PHF21B: variants seen among roughly 807,000 people sequenced by gnomAD.
The protein encoded by PHF21B is PHD finger protein 4.
PHF21B carries 22 observed loss-of-function variants against 62.2 expected under a neutral mutation model. The ratio of observed to expected loss-of-function variants is 0.35; its 90% confidence interval spans 0.25 to 0.51. The LOEUF (loss-of-function observed/expected upper bound fraction) is 0.51, where lower values mean the gene tolerates loss of function less well. Ranked by LOEUF, PHF21B falls within the 20% of genes least tolerant of loss-of-function variation. PHF21B has a pLI of 0.97. For missense variants in PHF21B, 701 were observed against 707.9 expected, an observed-to-expected ratio of 0.99 and a Z score of 0.11; for synonymous variants, 341 against 314.7, an observed-to-expected ratio of 1.08 and a Z score of -0.88.
intron 2 of PHF21B, among the ~76,000 whole-genome samples, chr22:44,952,716 TAA>T (rs1431478395): frequency 5.3e-5 from 8 of 152,204 alleles, no homozygotes; most frequent in African/African-American, 1.7e-4. Context: ...GAGAAGAGTA[TAA>T]GAGTCTGATT....
At chr22:44,905,067 T>C (rs183430035) in intron 5 of PHF21B, among the ~76,000 whole-genome samples, 3 of 152,350 alleles carry the variant, frequency 2.0e-5, no homozygotes, top group Non-Finnish European at 4.4e-5. Flanking sequence ...AGATGGAGTC[T>C]ACTTTTGACT....
At chr22:44,937,728 G>C (rs369609571) in intron 2 of PHF21B, among the ~76,000 whole-genome samples, 4 of 152,222 alleles carry the variant, frequency 2.6e-5, no homozygotes, top group Non-Finnish European at 5.9e-5. Flanking sequence ...GGACCCCCAC[G>C]CCACGGGATG....
intron 2 of PHF21B, chr22:45,001,925 G>C (rs947837562): frequency 6.6e-6 from 1 of 152,220 alleles, no homozygotes; most frequent in Non-Finnish European, 1.5e-5. Flanking sequence ...AGTGAGACCC[G>C]CGCTTTACGA....
chr22:45,005,362 A>T (rs6007408), intron 2 of PHF21B, among the ~76,000 whole-genome samples: 24 of 148,326 alleles, frequency 1.6e-4, no homozygotes, highest in African/African-American at 4.6e-4. Context: ...CCTATGCCTC[A>T]TTTTTTTTTT....
intron 2 of PHF21B, among the ~76,000 whole-genome samples, chr22:44,970,364 A>C (rs981644421): frequency 1.3e-5 from 2 of 152,230 alleles, no homozygotes; most frequent in African/African-American, 4.8e-5. Flanking sequence ...CACTGGGCAG[A>C]TGCTGGTCAA....
chr22:44,976,088 C>A (rs1418032135), intron 2 of PHF21B, among the ~76,000 whole-genome samples: 1 of 152,140 alleles, frequency 6.6e-6, no homozygotes, highest in African/African-American at 2.4e-5. Context: ...GGAGGATCAC[C>A]CGAGCCCAGG....
At chr22:44,953,862 C>T (rs1183226058) in intron 2 of PHF21B, among the ~76,000 whole-genome samples, 1 of 152,232 alleles carries the variant, frequency 6.6e-6, no homozygotes, top group East Asian at 1.9e-4. Context: ...CATGATCATG[C>T]CCATCCAACA....
chr22:44,955,801 C>A (rs924616401), intron 2 of PHF21B, among the ~76,000 whole-genome samples: 6 of 152,206 alleles, frequency 3.9e-5, no homozygotes, highest in African/African-American at 1.2e-4. Context: ...AGATCAATCC[C>A]CGTATGCATC....
chr22:45,009,117 G>A lies in PHF21B; in HGVS notation c.54+379C>T. On this transcript the variant is annotated intron_variant, in intron 1 of 12. Transcript: ENST00000313237. The surrounding 1 kb of genome is among the most constrained non-coding windows in gnomAD (Gnocchi z 5.9). ...AAAACTACTTCTGCACACCGGGCAG[G>A]TTCGCCCGGGGCGCGGGGGCCCGAG... 1.1e-6 allele frequency: 1 copy of A among 898,620 alleles called. No homozygotes were observed. Among genetic ancestry groups the A allele is most frequent in the Non-Finnish European group, 1.4e-6 (1 of 701,436 alleles). 55.7% of individuals were successfully genotyped at this position (898,620 alleles called of 1,614,324 possible).
intron 2 of PHF21B, among the ~76,000 whole-genome samples, chr22:44,941,557 T>C (rs990323267): frequency 1.3e-5 from 2 of 152,210 alleles, no homozygotes; most frequent in African/African-American, 4.8e-5. Context: ...GCTGGATCGC[T>C]TTGTTCCTCT....
chr22:44,948,905 A>C (rs969922509), intron 2 of PHF21B, among the ~76,000 whole-genome samples: 4 of 152,206 alleles, frequency 2.6e-5, no homozygotes, highest in African/African-American at 9.7e-5. Context: ...TCTAGCACAG[A>C]CAAAGGTGAT....
chr22:44,936,474 G>A (rs1402104861), intron 2 of PHF21B, among the ~76,000 whole-genome samples: 1 of 152,182 alleles, frequency 6.6e-6, no homozygotes, highest in Non-Finnish European at 1.5e-5. Context: ...ATCTGCGTGT[G>A]ACATCCCACC....
intron 2 of PHF21B, among the ~76,000 whole-genome samples, chr22:44,982,994 A>G (rs990981190): frequency 1.4e-4 from 21 of 152,222 alleles, no homozygotes; most frequent in Non-Finnish European, 2.2e-4. Flanking sequence ...CTGTAATCCC[A>G]GCACTTTGGG....
At chr22:44,883,803 T>A (rs377410622) in intron 12 of PHF21B, among the ~76,000 whole-genome samples, 1 of 151,972 alleles carries the variant, frequency 6.6e-6, no homozygotes, top group African/African-American at 2.4e-5. Flanking sequence ...CTTGGGCAAA[T>A]AACAACCTCC....
intron 2 of PHF21B, among the ~76,000 whole-genome samples, chr22:44,952,513 G>A (rs2072214559): frequency 6.6e-6 from 1 of 152,178 alleles, no homozygotes; most frequent in Non-Finnish European, 1.5e-5. Context: ...AGGCAGAACC[G>A]AAGAAAAAGT....
At chr22:44,953,256 A>G (rs2147394761) in intron 2 of PHF21B, among the ~76,000 whole-genome samples, 1 of 152,310 alleles carries the variant, frequency 6.6e-6, no homozygotes, top group East Asian at 1.9e-4. Context: ...GAGTTGGGGT[A>G]CAATTTCCCA....
intron 2 of PHF21B, among the ~76,000 whole-genome samples, chr22:44,971,723 G>A (rs757903199): frequency 8.5e-5 from 13 of 152,070 alleles, no homozygotes; most frequent in East Asian, 1.9e-4. Flanking sequence ...GGGAGCCCTC[G>A]TGGGTGTGCC....
At chr22:44,928,834 C>T (rs528942063) in intron 2 of PHF21B, among the ~76,000 whole-genome samples, 1 of 152,240 alleles carries the variant, frequency 6.6e-6, no homozygotes. Flanking sequence ...GGACCAGGCT[C>T]TCCAGAGTCT....
In PHF21B at chr22:44,891,313, T is replaced by C; in HGVS notation, c.1008A>G (p.Thr336=). 6.2e-7 allele frequency: 1 copy of C among 1,613,962 alleles called. No homozygotes were observed. Among genetic ancestry groups the C allele is most frequent in the Non-Finnish European group, 8.5e-7 (1 of 1,179,998 alleles). ...SNYLNNPLFL[T]ARANEDPCWK... is the part of the protein sequence containing the mutation. ...CCTGAAGCCGGTGCTTACCTCTCGC[T>C]GTGAGGAACAGGGGGTTGTTGAGAT... The change falls in exon 8 of 13, where the codon ACA becomes ACG. Residue 336 remains threonine, a synonymous_variant. Transcript: ENST00000313237.
Sources: allele counts gnomAD v4.1 joint callset (sites outside exome capture counted in the v4.1 genomes callset), GRCh38; gene constraint gnomAD v4.1.1; non-coding constraint Gnocchi (gnomAD v3.1); transcripts MANE v1.5; gene names NCBI Gene and HGNC (gene_info 2026-07-23, HGNC 2026-07-21).